Variants in NFIB observed in about 807,000 individuals in gnomAD.
NFIB encodes the protein nuclear factor I B, also known as nuclear factor 1 B-type.
A neutral mutation model predicts 61.5 loss-of-function variants in NFIB; 11 were observed. The observed-to-expected ratio is 0.18, with a 90% CI of 0.11 to 0.30. NFIB has a LOEUF of 0.30. Among genes scored for constraint, NFIB ranks in the 10% least tolerant of loss-of-function variants. NFIB has a pLI of 1.00. For missense variants in NFIB, 471 were observed against 608.9 expected (o/e 0.77, Z 2.38); for synonymous variants, 260 against 216.5 (o/e 1.20, Z -1.76).
At chr9:14,435,574 A>C in the NFIB span, among the ~76,000 whole-genome samples, 1 of 152,368 alleles carries the variant, frequency 6.6e-6, no homozygotes, top group African/African-American at 2.4e-5. Context: ...TAGGTCTGTC[A>C]CATAGTAAGC....
chr9:14,200,818 C>T (rs953418347), intron 2 of NFIB, among the ~76,000 whole-genome samples: 4 of 152,164 alleles, frequency 2.6e-5, no homozygotes, highest in African/African-American at 9.7e-5. Flanking sequence ...ACAAATACTA[C>T]CCGTTTTTTG....
intron 1 of NFIB, among the ~76,000 whole-genome samples, chr9:14,389,396 T>C (rs1229391400): frequency 6.6e-6 from 1 of 152,216 alleles, no homozygotes. Flanking sequence ...GTCATTCATA[T>C]GCATTGCTTT....
chr9:14,493,150 C>T, the NFIB span, among the ~76,000 whole-genome samples: 1 of 152,184 alleles, frequency 6.6e-6, no homozygotes, highest in Non-Finnish European at 1.5e-5. Flanking sequence ...CAGATGTTCA[C>T]AAGGCAGGGT....
Position 14,313,512 on chromosome 9 carries a change from G to A in NFIB, c.-1C>T, listed in dbSNP as rs923836039. ...TGAGACAGATGGGAGAATACATCATGACTTCGCCTTAAAACGCACTTTCCG... is the reference window on the plus strand; with the variant it reads ...TGAGACAGATGGGAGAATACATCATAACTTCGCCTTAAAACGCACTTTCCG... On this transcript the variant is annotated 5_prime_UTR_variant, in exon 1 of 11. Transcript: ENST00000380953. The surrounding 1 kb of genome is among the most constrained non-coding windows in gnomAD (Gnocchi z 4.5). 2 of 1,613,984 alleles carry A rather than the reference G, an allele frequency of 1.2e-6. No homozygotes were observed. The highest frequency in any genetic ancestry group is 1.7e-6 in the Non-Finnish European group (2 of 1,179,938).
chr9:14,355,472 C>A (rs551040633), intron 1 of NFIB, among the ~76,000 whole-genome samples: 1 of 152,302 alleles, frequency 6.6e-6, no homozygotes, highest in East Asian at 1.9e-4. Context: ...CAAACCAATA[C>A]AACAAGATGA....
intron 2 of NFIB, among the ~76,000 whole-genome samples, chr9:14,214,797 T>G (rs1435608362): frequency 6.6e-6 from 1 of 152,226 alleles, no homozygotes; most frequent in African/African-American, 2.4e-5. Flanking sequence ...TGAATATGAA[T>G]ATCCTGCTGA....
chr9:14,176,120 T>C (rs2046160561), intron 3 of NFIB, among the ~76,000 whole-genome samples: 1 of 152,150 alleles, frequency 6.6e-6, no homozygotes, highest in Non-Finnish European at 1.5e-5. Flanking sequence ...GTGGAGTTTT[T>C]AATTATTAAA....
intron 1 of NFIB, among the ~76,000 whole-genome samples, chr9:14,372,810 G>A (rs1410030842): frequency 3.9e-5 from 6 of 152,162 alleles, no homozygotes; most frequent in African/African-American, 1.4e-4. Context: ...TGTAATTCTT[G>A]ATGTCCTGTG....
chr9:14,529,384 G>A, the NFIB span, among the ~76,000 whole-genome samples: 1 of 152,118 alleles, frequency 6.6e-6, no homozygotes, highest in African/African-American at 2.4e-5. Flanking sequence ...TTAAGCCAAA[G>A]AAGGACACAA....
the NFIB span, among the ~76,000 whole-genome samples, chr9:14,486,830 A>G: frequency 1.3e-5 from 2 of 152,144 alleles, no homozygotes; most frequent in Non-Finnish European, 2.9e-5. Context: ...TCCTTACTTT[A>G]TTACCCTTTT....
chr9:14,110,182 ATTAT>A (rs2037145254), intron 10 of NFIB, among the ~76,000 whole-genome samples: 1 of 152,076 alleles, frequency 6.6e-6, no homozygotes, highest in Non-Finnish European at 1.5e-5. Flanking sequence ...TTGTGGAAAG[ATTAT>A]TTATAAAATA....
At chr9:14,101,334 A>G (rs1052284878) in intron 10 of NFIB, among the ~76,000 whole-genome samples, 4 of 152,220 alleles carry the variant, frequency 2.6e-5, no homozygotes, top group Admixed American at 6.5e-5. Flanking sequence ...ATAAAAAGTC[A>G]TTGTTTTTAA....
the NFIB span, among the ~76,000 whole-genome samples, chr9:14,475,806 G>C: frequency 6.6e-6 from 1 of 151,996 alleles, no homozygotes; most frequent in Non-Finnish European, 1.5e-5. Flanking sequence ...CAAAATTTAT[G>C]GTTTTTACCT....
chr9:14,222,731 G>A (rs1165991468), intron 2 of NFIB, among the ~76,000 whole-genome samples: 1 of 144,078 alleles, frequency 6.9e-6, no homozygotes, highest in Non-Finnish European at 1.5e-5. Flanking sequence ...GGGAACTCAA[G>A]GCTACAGTGA....
chr9:14,492,068 T>C, the NFIB span, among the ~76,000 whole-genome samples: 1 of 151,988 alleles, frequency 6.6e-6, no homozygotes, highest in South Asian at 2.1e-4. Context: ...CTGGGTAATT[T>C]AAAAAGAAAA....
chr9:14,449,225 A>C, the NFIB span, among the ~76,000 whole-genome samples: 1 of 152,188 alleles, frequency 6.6e-6, no homozygotes, highest in South Asian at 2.1e-4. Context: ...TCAGGGTCCA[A>C]CCAAAGTCTC....
intron 1 of NFIB, among the ~76,000 whole-genome samples, chr9:14,367,966 C>A (rs1320512098): frequency 6.6e-6 from 1 of 151,980 alleles, no homozygotes; most frequent in Non-Finnish European, 1.5e-5. Flanking sequence ...CTCCATGGCA[C>A]GTGTATACCT....
At chr9:14,204,725 A>G (rs2049443031) in intron 2 of NFIB, 2 of 585,074 alleles carry the variant, frequency 3.4e-6, no homozygotes, top group Non-Finnish European at 6.1e-6. Context: ...TGCATACAAC[A>G]TGGATCCCAT....
intron 1 of NFIB, among the ~76,000 whole-genome samples, chr9:14,385,558 T>C (rs2061539919): frequency 6.6e-6 from 1 of 152,160 alleles, no homozygotes; most frequent in Non-Finnish European, 1.5e-5. Flanking sequence ...TTAATATGAA[T>C]AACACAGACA....
Sources: gnomAD v4.1 joint callset for allele counts (sites outside exome capture counted in the v4.1 genomes callset) on GRCh38, gnomAD v4.1.1 for gene constraint, Gnocchi (gnomAD v3.1) non-coding constraint, MANE v1.5 for transcripts, NCBI Gene and HGNC (gene_info 2026-07-23, HGNC 2026-07-21) for gene names.